HPSE2: variants seen among roughly 807,000 people sequenced by gnomAD.
HPSE2 encodes inactive heparanase-2.
HPSE2 carries 38 observed loss-of-function variants against 60.5 expected under a neutral mutation model. The observed-to-expected ratio is 0.63, with a 90% CI of 0.48 to 0.82. The LOEUF is 0.82. Among genes scored for constraint, HPSE2 ranks in the 40% least tolerant of loss-of-function variants. The probability of loss-of-function intolerance (pLI) is 0.00; values close to 1 mark genes in which losing one functional copy is unlikely to be tolerated. For missense variants in HPSE2, 713 were observed against 740.4 expected (o/e 0.96, Z 0.43); for synonymous variants, 295 against 293.2 (o/e 1.01, Z -0.06).
intron 6 of HPSE2, among the ~76,000 whole-genome samples, chr10:98,682,165 GGA>G (rs925146922): frequency 3.9e-5 from 6 of 152,142 alleles, no homozygotes; most frequent in African/African-American, 1.4e-4. Flanking sequence ...TGATGGTTAG[GGA>G]TTTCTCCCAA....
rs138349153 is a variant in HPSE2 at position 98,889,349 on chromosome 10, T to TTC, written c.611-145295_611-145294dup. Among the ~76,000 whole-genome samples, 541 of 151,590 alleles carry TTC rather than the reference T, an allele frequency of 3.6e-3. 1 individual carries two copies. The highest frequency in any genetic ancestry group is 5.9e-3 in the Non-Finnish European group (399 of 67,844). ...AGGTATGTACCACCACGCCTGGCTT[T>TTC]TCTCTCTCTCTTTTCTTTTTTTTTT... On this transcript the variant is annotated intron_variant, in intron 3 of 11. Coordinates refer to ENST00000370552, the MANE Select transcript of HPSE2 (RefSeq NM_021828.5).
At chr10:98,501,651 G>A (rs1411694819) in intron 9 of HPSE2, among the ~76,000 whole-genome samples, 1 of 152,134 alleles carries the variant, frequency 6.6e-6, no homozygotes, top group Non-Finnish European at 1.5e-5. Flanking sequence ...AGACAAAGAT[G>A]CCCACTCTCC....
intron 3 of HPSE2, among the ~76,000 whole-genome samples, chr10:98,749,308 C>T (rs1949698978): frequency 6.6e-6 from 1 of 151,920 alleles, no homozygotes; most frequent in Non-Finnish European, 1.5e-5. Flanking sequence ...TAAGCAGTTA[C>T]TACGTGACAG....
chr10:98,901,585 C>T (rs1953667784), intron 3 of HPSE2, among the ~76,000 whole-genome samples: 1 of 152,190 alleles, frequency 6.6e-6, no homozygotes, highest in African/African-American at 2.4e-5. Context: ...ATAAACTTCC[C>T]TCTGATGGCC....
chr10:98,869,976 C>A (rs1952689269), intron 3 of HPSE2, among the ~76,000 whole-genome samples: 1 of 152,144 alleles, frequency 6.6e-6, no homozygotes, highest in African/African-American at 2.4e-5. Flanking sequence ...AGTATTATTT[C>A]ATTACATACT....
chr10:98,485,924 AG>A (rs1458585241), intron 10 of HPSE2, among the ~76,000 whole-genome samples: 1 of 144,278 alleles, frequency 6.9e-6, no homozygotes, highest in Non-Finnish European at 1.5e-5. Flanking sequence ...GGTGGGTGGG[AG>A]GGAGACCTGA....
intron 3 of HPSE2, among the ~76,000 whole-genome samples, chr10:98,935,618 T>A (rs550998101): frequency 1.4e-5 from 2 of 144,306 alleles, no homozygotes; most frequent in Non-Finnish European, 3.0e-5. Flanking sequence ...CCAGTGAAGA[T>A]TGCAGAACAG....
intron 6 of HPSE2, among the ~76,000 whole-genome samples, chr10:98,675,743 A>C (rs543820156): frequency 3.3e-5 from 5 of 152,280 alleles, no homozygotes; most frequent in Admixed American, 2.6e-4. Context: ...TAAGAAAGAA[A>C]GTGAGACAGA....
intron 2 of HPSE2, among the ~76,000 whole-genome samples, chr10:99,226,854 G>A (rs536801746): frequency 3.3e-5 from 5 of 152,130 alleles, no homozygotes; most frequent in African/African-American, 9.6e-5. Context: ...CTTGATTAAG[G>A]TATCTCGCCT....
the HPSE2 span, among the ~76,000 whole-genome samples, chr10:99,299,228 A>G: frequency 9.2e-5 from 14 of 152,090 alleles, no homozygotes; most frequent in South Asian, 2.9e-3. Flanking sequence ...CCCTCATCCA[A>G]CACGCCCTGG....
intron 4 of HPSE2, among the ~76,000 whole-genome samples, chr10:98,725,865 GC>G (rs987829383): frequency 1.1e-4 from 16 of 152,260 alleles, no homozygotes; most frequent in African/African-American, 3.9e-4. Context: ...CATTTATGCA[GC>G]CAAAAAACAC....
intron 3 of HPSE2, among the ~76,000 whole-genome samples, chr10:99,103,202 T>G (rs1392985313): frequency 1.3e-5 from 2 of 152,200 alleles, no homozygotes; most frequent in Non-Finnish European, 2.9e-5. Flanking sequence ...TGTCCCTGTT[T>G]GCAGATGACA....
chr10:98,684,801 T>A (rs1162566868), intron 6 of HPSE2, among the ~76,000 whole-genome samples: 1 of 151,800 alleles, frequency 6.6e-6, no homozygotes, highest in African/African-American at 2.4e-5. Context: ...TAAACAAAAA[T>A]GTATTAGAAG....
intron 7 of HPSE2, among the ~76,000 whole-genome samples, chr10:98,631,802 C>T (rs560999955): frequency 6.6e-6 from 1 of 152,052 alleles, no homozygotes; most frequent in Non-Finnish European, 1.5e-5. Context: ...TGCAAATAAC[C>T]CTCTAAAAAG....
chr10:98,742,649 C>T (rs952330686), intron 4 of HPSE2, among the ~76,000 whole-genome samples: 1 of 151,904 alleles, frequency 6.6e-6, no homozygotes, highest in African/African-American at 2.4e-5. Context: ...ATGAAATCTA[C>T]AGAATAACAT....
Position 99,113,508 on chromosome 10 carries a change from C to T in HPSE2, c.610+30730G>A, listed in dbSNP as rs145582325. 1.6e-3 allele frequency among the ~76,000 whole-genome samples: 242 copies of T among 152,056 alleles called. 6 individuals are homozygous for T. Among genetic ancestry groups the T allele is most frequent in the Admixed American group, 0.01 (160 of 15,274 alleles). ...ATGTATATTACATATGCACCTACTG[C>T]GGTAATATATAATTACATTATAAAA... On this transcript the variant is annotated intron_variant, in intron 3 of 11. Transcript: ENST00000370552.
At chr10:98,557,252 C>A (rs757853293) in intron 9 of HPSE2, among the ~76,000 whole-genome samples, 2 of 151,982 alleles carry the variant, frequency 1.3e-5, no homozygotes, top group African/African-American at 4.8e-5. Context: ...ATTCAGACAT[C>A]GAGGTTTTGG....
chr10:98,473,926 G>A (rs769867650), intron 11 of HPSE2, among the ~76,000 whole-genome samples: 9 of 152,128 alleles, frequency 5.9e-5, no homozygotes, highest in African/African-American at 1.2e-4. Flanking sequence ...CTCTTGACCC[G>A]TATGAGTTCT....
intron 9 of HPSE2, among the ~76,000 whole-genome samples, chr10:98,559,096 A>G (rs1262889898): frequency 2.0e-5 from 3 of 152,066 alleles, no homozygotes; most frequent in East Asian, 1.9e-4. Context: ...CAGTGGCGCA[A>G]TCTTGCACTG....
Sources: gnomAD v4.1 joint callset for allele counts (sites outside exome capture counted in the v4.1 genomes callset) on GRCh38, gnomAD v4.1.1 for gene constraint, MANE v1.5 for transcripts, NCBI Gene and HGNC (gene_info 2026-07-23, HGNC 2026-07-21) for gene names.